STX12: variants seen among roughly 807,000 people sequenced by gnomAD.
The protein encoded by STX12 is syntaxin 12, also known as syntaxin-12.
A neutral mutation model predicts 42.2 loss-of-function variants in STX12; 17 were observed. That is an observed-to-expected ratio of 0.40 (90% CI 0.28 to 0.60). The LOEUF (loss-of-function observed/expected upper bound fraction) is 0.60. Ranked by LOEUF, STX12 falls within the 20% of genes least tolerant of loss-of-function variation. The pLI is 0.39. For synonymous variants in STX12, 108 were observed against 116.7 expected, an observed-to-expected ratio of 0.93 and a Z score of 0.48; for missense variants, 297 against 330.9, an observed-to-expected ratio of 0.90 and a Z score of 0.79.
intron 2 of STX12, among the ~76,000 whole-genome samples, 174 bp downstream of exon 2, chr1:27,789,805 G>A (rs1364450762): frequency 6.6e-6 from 1 of 152,176 alleles, no homozygotes; most frequent in Non-Finnish European, 1.5e-5. Flanking sequence ...TTAATGGATT[G>A]TAATTTCCGT....
chr1:27,792,287 GATAC>G (rs1485629011), intron 2 of STX12, among the ~76,000 whole-genome samples: 7 of 71,858 alleles, frequency 9.7e-5, no homozygotes, highest in East Asian at 9.6e-4. Flanking sequence ...TATATATGTA[GATAC>G]ATATATATGT....
chr1:27,779,772 T>C (rs979211482), intron 1 of STX12, among the ~76,000 whole-genome samples: 2 of 152,160 alleles, frequency 1.3e-5, no homozygotes, highest in African/African-American at 4.8e-5. Context: ...AGTTTATATT[T>C]TGCTCATTTG....
At position 27,822,316 on chromosome 1, in the gene STX12, A is replaced by C. The variant is rs750886546; in HGVS notation, c.818A>C (p.Tyr273Ser). 6.8e-6 allele frequency: 11 copies of C among 1,610,602 alleles called. No homozygotes were observed. Among genetic ancestry groups the C allele is most frequent in the African/African-American group, 1.3e-5 (1 of 74,988 alleles). The change falls in exon 9 of 9, where the codon TAT (tyrosine) becomes TCT (serine). Residue 273 changes from tyrosine (Y) to serine (S), a missense_variant. Physicochemically the swap from Tyr to Ser is moderately radical, Grantham distance 144. Coordinates refer to ENST00000373943, the MANE Select transcript of STX12 (RefSeq NM_177424.3). ...LILGLIIWLVYKTK is the reference protein window; with the variant it reads ...LILGLIIWLVSKTK ...TTGGGACTTATTATCTGGCTAGTTT[A>C]TAAAACGAAGTGATTGCCTCCGATC...
At chr1:27,780,831 A>G (rs2088663251) in intron 1 of STX12, among the ~76,000 whole-genome samples, 1 of 151,800 alleles carries the variant, frequency 6.6e-6, no homozygotes, top group Non-Finnish European at 1.5e-5. Context: ...ACACACCTGT[A>G]GTCCCAGCTA....
At chr1:27,805,519 C>A (rs2088857901) in intron 4 of STX12, among the ~76,000 whole-genome samples, 1 of 152,112 alleles carries the variant, frequency 6.6e-6, no homozygotes, top group Non-Finnish European at 1.5e-5. Context: ...AACCTCCATA[C>A]TAAAGATGTA....
At chr1:27,817,716 T>C in intron 6 of STX12, 135 bp from the exon 7 acceptor site, 1 of 704,516 alleles carries the variant, frequency 1.4e-6, no homozygotes, top group Non-Finnish European at 2.4e-6. Flanking sequence ...TAGATTATTT[T>C]CTGTTTATGG....
chr1:27,786,412 C>G (rs2088699401), intron 1 of STX12, among the ~76,000 whole-genome samples: 2 of 152,246 alleles, frequency 1.3e-5, no homozygotes, highest in South Asian at 4.1e-4. Context: ...TAACTAGTAT[C>G]CTCTGCCCAC....
chr1:27,822,261 G>A lies in STX12; in HGVS notation c.763G>A (p.Val255Met), dbSNP rs199785114. 14 of 1,613,448 alleles carry A rather than the reference G, an allele frequency of 8.7e-6. No homozygotes were observed. In the Admixed American group the frequency reaches 1.0e-4, roughly 12 times the overall value. Reference protein sequence around the residue: ...KKSRKKMCILVLVLSVIILIL... With the variant: ...KKSRKKMCILMLVLSVIILIL... ...ATCTCGCAAGAAGATGTGTATCCTG[G>A]TGCTTGTCCTGTCAGTGATTATTCT... The change falls in exon 9 of 9, where the codon GTG (valine) becomes ATG (methionine). Residue 255 changes from valine (V) to methionine (M), a missense_variant. Coordinates refer to ENST00000373943, the MANE Select transcript of STX12 (RefSeq NM_177424.3).
At chr1:27,775,740 T>C (rs1308143339) in intron 1 of STX12, among the ~76,000 whole-genome samples, 1 of 152,146 alleles carries the variant, frequency 6.6e-6, no homozygotes, top group African/African-American at 2.4e-5. Context: ...TTGTTTTTAA[T>C]TGAGAAGGCA....
chr1:27,815,692 T>G (rs2088936647), intron 6 of STX12, among the ~76,000 whole-genome samples: 1 of 152,232 alleles, frequency 6.6e-6, no homozygotes, highest in Admixed American at 6.5e-5. Context: ...CAAGACTTGC[T>G]TTAGCAGATA....
At chr1:27,778,386 A>G (rs2088641769) in intron 1 of STX12, among the ~76,000 whole-genome samples, 1 of 152,146 alleles carries the variant, frequency 6.6e-6, no homozygotes, top group Admixed American at 6.5e-5. Context: ...TTAACTCTGA[A>G]GGGATTAAAG....
intron 4 of STX12, among the ~76,000 whole-genome samples, chr1:27,807,756 TGTA>T (rs1486411960): frequency 1.3e-5 from 2 of 152,214 alleles, no homozygotes; most frequent in African/African-American, 4.8e-5. Context: ...CAGCATTGTT[TGTA>T]GTAGTCAAAA....
At chr1:27,812,322 A>ACCTT in intron 6 of STX12, 54 bp downstream of exon 6, 1 of 1,290,164 alleles carries the variant, frequency 7.8e-7, no homozygotes, top group East Asian at 2.5e-5. Flanking sequence ...AGGTATCTGA[A>ACCTT]CTCCTTAGTT....
intron 8 of STX12, 80 bp from the exon 9 acceptor site, chr1:27,822,151 T>G: frequency 2.3e-6 from 2 of 863,452 alleles, no homozygotes; most frequent in South Asian, 1.4e-5. Context: ...GGAGGCAGAT[T>G]TATGAAGCAT....
chr1:27,788,147 G>A (rs2088711382), intron 1 of STX12, among the ~76,000 whole-genome samples: 1 of 152,120 alleles, frequency 6.6e-6, no homozygotes, highest in African/African-American at 2.4e-5. Flanking sequence ...TTACTTCTGG[G>A]CAATGAGTAC....
At chr1:27,800,164 A>G (rs2088817865) in intron 3 of STX12, among the ~76,000 whole-genome samples, 2 of 152,322 alleles carry the variant, frequency 1.3e-5, no homozygotes, top group South Asian at 2.1e-4. Context: ...CAGTCTGTCT[A>G]GAGATCCTCT....
intron 3 of STX12, among the ~76,000 whole-genome samples, chr1:27,796,364 C>A (rs1193839824): frequency 6.6e-6 from 1 of 152,080 alleles, no homozygotes; most frequent in African/African-American, 2.4e-5. Context: ...TTACCCAGTC[C>A]AGTGGCTTTT....
chr1:27,776,485 G>A (rs977725948), intron 1 of STX12, among the ~76,000 whole-genome samples: 1 of 152,090 alleles, frequency 6.6e-6, no homozygotes, highest in Non-Finnish European at 1.5e-5. Context: ...AGGCCAAAGA[G>A]GGAGGATTAC....
At chr1:27,777,811 C>T (rs1172440732) in intron 1 of STX12, among the ~76,000 whole-genome samples, 3 of 151,956 alleles carry the variant, frequency 2.0e-5, no homozygotes, top group Admixed American at 6.6e-5. Flanking sequence ...TGCTTGAATC[C>T]GGGAGGCGGA....
Sources: gnomAD v4.1 joint callset for allele counts (sites outside exome capture counted in the v4.1 genomes callset) on GRCh38, gnomAD v4.1.1 for gene constraint, MANE v1.5 for transcripts, NCBI Gene and HGNC (gene_info 2026-07-23, HGNC 2026-07-21) for gene names.